MROH2B: variants seen among roughly 807,000 people sequenced by gnomAD.
The protein encoded by MROH2B is maestro heat like repeat family member 2B, also known as maestro heat-like repeat-containing protein family member 2B.
A neutral mutation model predicts 208.6 loss-of-function variants in MROH2B; 177 were observed. The observed-to-expected ratio is 0.85, with a 90% CI of 0.75 to 0.96. The LOEUF is 0.96. Among genes scored for constraint, MROH2B ranks in the 40% least tolerant of loss-of-function variants. The pLI is 0.00. For missense variants in MROH2B, 2,002 were observed against 1,878.7 expected (o/e 1.07, Z -1.21); for synonymous variants, 728 against 659.0 (o/e 1.10, Z -1.60).
intron 20 of MROH2B, 122 bp from the exon 21 acceptor site, chr5:41,039,010 A>G (rs923709476): frequency 1.9e-5 from 17 of 874,510 alleles, no homozygotes; most frequent in Non-Finnish European, 2.7e-5. Context: ...GATGATTCGA[A>G]TAAGTCTAAA....
intron 30 of MROH2B, among the ~76,000 whole-genome samples, chr5:41,012,380 T>A (rs919132338): frequency 2.0e-5 from 3 of 152,186 alleles, no homozygotes; most frequent in Non-Finnish European, 2.9e-5. Context: ...GCTTTTATAT[T>A]AAAAGACAAG....
chr5:41,058,527 A>G (rs1426985718), intron 6 of MROH2B, among the ~76,000 whole-genome samples: 2 of 151,898 alleles, frequency 1.3e-5, no homozygotes, highest in African/African-American at 4.8e-5. Flanking sequence ...GCACGATCTC[A>G]GCTCACTGCA....
In MROH2B at chr5:41,000,725, T is replaced by C. The variant is rs1400217709; in HGVS notation, c.4303A>G (p.Ile1435Val). The C allele has an allele frequency of 1.2e-6, 2 of 1,612,460 alleles. No homozygotes were observed. Among genetic ancestry groups the C allele is most frequent in the Non-Finnish European group, 1.7e-6 (2 of 1,179,342 alleles). Reference protein sequence around the residue: ...FFAEEIKKSLISFLLHLWDPN... With the variant: ...FFAEEIKKSLVSFLLHLWDPN... ...TCCCAAAGGTGCAGAAGGAATGAAATCAGGCTCTTTTTTATTTCTTCAGCA... is the reference window on the plus strand; with the variant it reads ...TCCCAAAGGTGCAGAAGGAATGAAACCAGGCTCTTTTTTATTTCTTCAGCA... Residue 1435 changes from isoleucine (I) to valine (V), a missense_variant, in exon 38 of 42, where the codon ATT becomes GTT. Transcript: ENST00000399564.
intron 29 of MROH2B, among the ~76,000 whole-genome samples, chr5:41,014,487 AATG>A (rs1246143612): frequency 6.6e-6 from 1 of 152,190 alleles, no homozygotes; most frequent in African/African-American, 2.4e-5. Context: ...CCTAATGTTA[AATG>A]ATGAGTTAAT....
At chr5:41,044,116 G>A (rs568386588) in intron 18 of MROH2B, among the ~76,000 whole-genome samples, 6 of 151,806 alleles carry the variant, frequency 4.0e-5, no homozygotes, top group African/African-American at 1.4e-4. Flanking sequence ...CGGGTGTGGT[G>A]GCACGTGCCT....
chr5:41,055,683 G>T (rs1579954002), intron 10 of MROH2B, 59 bp downstream of exon 10: 1 of 1,271,200 alleles, frequency 7.9e-7, no homozygotes, highest in Non-Finnish European at 1.1e-6. Flanking sequence ...AGAGTGCATA[G>T]GCTTCAGTCT....
chr5:41,029,841 A>G (rs1306136240), intron 24 of MROH2B, among the ~76,000 whole-genome samples: 6 of 152,112 alleles, frequency 3.9e-5, no homozygotes, highest in Non-Finnish European at 4.4e-5. Flanking sequence ...GGGTGAAAAA[A>G]ACTACTTATT....
chr5:41,006,342 G>A (rs13155300), intron 34 of MROH2B, among the ~76,000 whole-genome samples: 128,684 of 152,116 alleles, frequency 0.85, 54,576 homozygotes, highest in African/African-American at 0.89. Flanking sequence ...AAAAAAAAAG[G>A]TGTTGGCATG....
At chr5:41,022,558 G>A (rs1742188327) in intron 24 of MROH2B, among the ~76,000 whole-genome samples, 1 of 152,164 alleles carries the variant, frequency 6.6e-6, no homozygotes, top group Admixed American at 6.5e-5. Context: ...CGAGAAGCTC[G>A]AACTTGGTGG....
At chr5:41,067,010 T>A (rs1743832758) in intron 3 of MROH2B, 98 bp downstream of exon 3, 1 of 709,046 alleles carries the variant, frequency 1.4e-6, no homozygotes, top group African/African-American at 1.8e-5. Flanking sequence ...TACAAGTGAT[T>A]TGTGGTCCTG....
chr5:41,020,225 A>G (rs1436448749), intron 24 of MROH2B, among the ~76,000 whole-genome samples: 1 of 152,114 alleles, frequency 6.6e-6, no homozygotes, highest in Non-Finnish European at 1.5e-5. Context: ...ATTAAATAAA[A>G]TATAATATTA....
At chr5:41,025,357 C>T (rs1742316124) in intron 24 of MROH2B, among the ~76,000 whole-genome samples, 1 of 152,182 alleles carries the variant, frequency 6.6e-6, no homozygotes, top group East Asian at 1.9e-4. Flanking sequence ...GGGGATATCA[C>T]CACCGATCCC....
At chr5:41,034,549 C>A (rs576426080) in intron 21 of MROH2B, among the ~76,000 whole-genome samples, 1 of 152,158 alleles carries the variant, frequency 6.6e-6, no homozygotes, top group South Asian at 2.1e-4. Flanking sequence ...TTTCAGATAA[C>A]CCTTACCATT....
intron 7 of MROH2B, among the ~76,000 whole-genome samples, chr5:41,057,682 G>A (rs536029014): frequency 1.1e-3 from 164 of 148,988 alleles, no homozygotes; most frequent in Admixed American, 2.1e-3. Context: ...TCAGCCTCCC[G>A]AGTAGCTGGG....
intron 24 of MROH2B, among the ~76,000 whole-genome samples, chr5:41,020,773 C>A (rs903298649): frequency 6.6e-6 from 1 of 151,964 alleles, no homozygotes; most frequent in Non-Finnish European, 1.5e-5. Flanking sequence ...TATTAGGCAG[C>A]CATTAAAGAT....
rs1229919826 is a variant in MROH2B, at chr5:41,009,424, G to C, written c.3294-18C>G. The C allele has an allele frequency of 6.2e-7, 1 of 1,611,624 alleles. No homozygotes were observed. The highest frequency in any genetic ancestry group is 8.5e-7 in the Non-Finnish European group (1 of 1,178,760). On this transcript the variant is annotated intron_variant, in intron 31 of 41. Transcript: ENST00000399564. ...TTGTGTCCCTAGGGTGGCAAAGCAG[G>C]AAATTGGTAGATAAGGCACAACCCC... is the stretch of plus-strand genomic sequence containing the variant.
intron 3 of MROH2B, among the ~76,000 whole-genome samples, 152 bp from the exon 4 acceptor site, chr5:41,065,642 T>G (rs1743785787): frequency 1.3e-5 from 2 of 152,146 alleles, no homozygotes; most frequent in African/African-American, 2.4e-5. Context: ...GTCACATGGT[T>G]CAACTGTGTA....
chr5:41,008,149 A>G (rs568602301), intron 33 of MROH2B, among the ~76,000 whole-genome samples: 1 of 152,352 alleles, frequency 6.6e-6, no homozygotes, highest in South Asian at 2.1e-4. Flanking sequence ...TTTAAAGTTT[A>G]AGAAAGCATT....
At chr5:41,033,813 C>CT in intron 22 of MROH2B, 25 bp downstream of exon 22, 1 of 1,008,728 alleles carries the variant, frequency 9.9e-7, no homozygotes, top group South Asian at 1.8e-5. Context: ...ATCTATCTAT[C>CT]TATCTATCTA....
Sources: allele counts gnomAD v4.1 joint callset (sites outside exome capture counted in the v4.1 genomes callset), GRCh38; gene constraint gnomAD v4.1.1; transcripts MANE v1.5; gene names NCBI Gene and HGNC (gene_info 2026-07-23, HGNC 2026-07-21).